DAO: variants seen among roughly 807,000 people sequenced by gnomAD.
DAO encodes the protein D-amino acid oxidase, also known as D-amino-acid oxidase.
A neutral mutation model predicts 50.1 loss-of-function variants in DAO; 51 were observed. That is an observed-to-expected ratio of 1.02 (90% CI 0.81 to 1.29). The LOEUF (loss-of-function observed/expected upper bound fraction) is 1.29, where lower values mean the gene tolerates loss of function less well. Ranked by LOEUF, DAO falls within the 50% of genes most tolerant of loss-of-function variation. DAO has a pLI of 0.00. For synonymous variants in DAO, 160 were observed against 166.2 expected (o/e 0.96, Z 0.29); for missense variants, 436 against 439.4 (o/e 0.99, Z 0.07).
rs2039579009 is a variant in DAO, at chr12:108,897,948, A to G, written c.696-731A>G. On this transcript the variant is annotated intron_variant, in intron 8 of 10. Transcript: ENST00000228476. ...GGCCACAGAGCGAGACCCCATCTCA[A>G]AAAAAAAAAAAAGTGGTGTGAATGG... Among the ~76,000 whole-genome samples the G allele has an allele frequency of 3.8e-5, 4 of 105,920 alleles. No individual in the cohort carries two copies. In the South Asian group the frequency reaches 1.1e-3, roughly 30 times the overall value. 69.5% of individuals were successfully genotyped at this position (105,920 alleles called of 152,430 possible). A position where few individuals can be genotyped will look rare whatever the true frequency, so the allele number is the denominator to read the frequency against.
chr12:108,891,898 C>CA (rs1317131139), intron 5 of DAO, among the ~76,000 whole-genome samples: 1 of 152,064 alleles, frequency 6.6e-6, no homozygotes, highest in Non-Finnish European at 1.5e-5. Context: ...ACAGGCCTAG[C>CA]AAAAATTTGC....
chr12:108,899,378 A>G lies in DAO; in HGVS notation c.815A>G (p.Asn272Ser). 6.2e-7 allele frequency: 1 copy of G among 1,612,770 alleles called. No homozygotes were observed. The highest frequency in any genetic ancestry group is 8.5e-7 in the Non-Finnish European group (1 of 1,179,288). The part of the protein sequence containing the change: ...GCCRLEPTLK[N>S]ARIIGERTGF... Reference sequence around the variant, plus strand: ...AGTGATCAGCACTTTTCTTTCCAGAATGCAAGAATTATTGGTGAACGAACT... The same window carrying G: ...AGTGATCAGCACTTTTCTTTCCAGAGTGCAAGAATTATTGGTGAACGAACT... The change falls in exon 10 of 11, where the codon AAT (asparagine) becomes AGT (serine). Residue 272 changes from asparagine to serine, a missense_variant and splice_region_variant. Asn to Ser is a conservative substitution (Grantham distance 46). Coordinates refer to ENST00000228476, the MANE Select transcript of DAO (RefSeq NM_001917.5).
In DAO at chr12:108,881,563, AG is replaced by A. The variant is rs565710810; in HGVS notation, c.-10+1340del. ...TCATATCTTGAATTTTTTTAAAAAA[AG>A]ATAATTGACTTAGGACTCACACTTT... On this transcript the variant is annotated intron_variant, in intron 1 of 10. Transcript: ENST00000228476. Among the ~76,000 whole-genome samples, 216 of 151,976 alleles carry A rather than the reference AG, an allele frequency of 1.4e-3. 1 individual carries two copies. Among genetic ancestry groups the A allele is most frequent in the African/African-American group, 4.9e-3 (202 of 41,410 alleles).
intron 5 of DAO, among the ~76,000 whole-genome samples, chr12:108,892,120 C>T (rs2039497601): frequency 6.6e-6 from 1 of 150,692 alleles, no homozygotes; most frequent in Non-Finnish European, 1.5e-5. Flanking sequence ...GGCTTATTTC[C>T]TGTTCTTTGG....
chr12:108,900,730 C>A lies in DAO; in HGVS notation c.*195C>A. 1 of 577,426 alleles carries A rather than the reference C, an allele frequency of 1.7e-6. No homozygotes were observed. The highest frequency in any genetic ancestry group is 3.0e-6 in the Non-Finnish European group (1 of 331,232). The allele number at this position is 577,426 out of a possible 1,614,324, so 35.8% of individuals were successfully genotyped here. A position where few individuals can be genotyped will look rare whatever the true frequency, so the allele number is the denominator to read the frequency against. On this transcript the variant is annotated 3_prime_UTR_variant, in exon 11 of 11. Coordinates refer to ENST00000228476, the MANE Select transcript of DAO (RefSeq NM_001917.5). ...TGGGGCCCCTCTCATCACTGAAATC[C>A]CTCTACCTTCTCTGGGTCTGGCATT...
chr12:108,880,525 A>G (rs546265808), intron 1 of DAO: 2 of 167,362 alleles, frequency 1.2e-5, no homozygotes, highest in Admixed American at 1.2e-4. Flanking sequence ...ATCTAGGCAC[A>G]TAGCAAGTAC....
chr12:108,883,192 A>C (rs2039399095), intron 1 of DAO, among the ~76,000 whole-genome samples: 1 of 152,024 alleles, frequency 6.6e-6, no homozygotes, highest in Non-Finnish European at 1.5e-5. Flanking sequence ...TGTTGCCCAG[A>C]CTGGAATGCA....
At chr12:108,883,216 G>A (rs938350676) in intron 1 of DAO, among the ~76,000 whole-genome samples, 2 of 151,856 alleles carry the variant, frequency 1.3e-5, no homozygotes, top group Non-Finnish European at 2.9e-5. Flanking sequence ...GTGCGAACTC[G>A]ACTCGCTGCA....
chr12:108,881,335 T>C (rs1191835729), intron 1 of DAO, among the ~76,000 whole-genome samples: 2 of 152,062 alleles, frequency 1.3e-5, no homozygotes, highest in Non-Finnish European at 2.9e-5. Context: ...TCCAACCGAA[T>C]AACTGAGCTG....
chr12:108,887,889 C>T (rs1368534769), intron 3 of DAO, among the ~76,000 whole-genome samples: 1 of 152,114 alleles, frequency 6.6e-6, no homozygotes. Flanking sequence ...TCAAGTGCCC[C>T]TGAAGGTCCC....
intron 7 of DAO, 107 bp downstream of exon 7, chr12:108,894,474 A>AC (rs757061637): frequency 2.3e-5 from 21 of 925,330 alleles, no homozygotes; most frequent in Middle Eastern, 2.1e-4. Flanking sequence ...TGTTAGAGGA[A>AC]CCCCCCGGAC....
At position 108,894,354 on chromosome 12, in the gene DAO, G is replaced by C; in HGVS notation, c.599G>C (p.Gly200Ala). 1 of 1,613,634 alleles carries C rather than the reference G, an allele frequency of 6.2e-7. No homozygotes were observed. The highest frequency in any genetic ancestry group is 8.5e-7 in the Non-Finnish European group (1 of 1,179,768). The change falls in exon 7 of 11, where the codon GGG becomes GCG. Residue 200 changes from glycine to alanine, a missense_variant. Gly to Ala is a moderately conservative substitution (Grantham distance 60). Coordinates refer to ENST00000228476, the MANE Select transcript of DAO (RefSeq NM_001917.5). ...GACCCCCTGCTGCAGCCAGGCCGGG[G>C]GCAGATCATGAAGGTGAGTGTGAGG... ...QRDPLLQPGR[G>A]QIMKVDAPWM...
chr12:108,899,347 G>T, intron 9 of DAO, 30 bp from the exon 10 acceptor site: 1 of 1,585,450 alleles, frequency 6.3e-7, no homozygotes, highest in Non-Finnish European at 8.6e-7. Flanking sequence ...AAAAAATCCA[G>T]AAATGAGTGA....
chr12:108,896,039 A>G (rs1169339151), intron 7 of DAO, among the ~76,000 whole-genome samples: 1 of 151,810 alleles, frequency 6.6e-6, no homozygotes, highest in Non-Finnish European at 1.5e-5. Context: ...TTCTTTAAAA[A>G]AAAAAAGTGA....
chr12:108,897,121 G>C, intron 8 of DAO, 33 bp downstream of exon 8: 1 of 1,510,678 alleles, frequency 6.6e-7, no homozygotes, highest in South Asian at 1.1e-5. Flanking sequence ...CAGAAGAGTG[G>C]TCCCCTTCAT....
intron 3 of DAO, among the ~76,000 whole-genome samples, chr12:108,887,793 C>T (rs531818341): frequency 6.6e-6 from 1 of 152,128 alleles, no homozygotes; most frequent in East Asian, 1.9e-4. Context: ...CTTCTGATGC[C>T]CAGGGGAAAC....
chr12:108,887,910 A>G (rs1350014717), intron 3 of DAO, among the ~76,000 whole-genome samples: 3 of 152,172 alleles, frequency 2.0e-5, no homozygotes, highest in Non-Finnish European at 4.4e-5. Flanking sequence ...AAGGCTTTTT[A>G]TCAAGAAGGA....
At chr12:108,896,874 C>A in intron 7 of DAO, 132 bp from the exon 8 acceptor site, 1 of 739,722 alleles carries the variant, frequency 1.4e-6, no homozygotes, top group Non-Finnish European at 2.4e-6. Context: ...AGACTTGGGC[C>A]ATAGTGTCAT....
At chr12:108,895,288 G>C (rs1240839618) in intron 7 of DAO, among the ~76,000 whole-genome samples, 1 of 150,168 alleles carries the variant, frequency 6.7e-6, no homozygotes, top group Non-Finnish European at 1.5e-5. Flanking sequence ...TGTATGTAAG[G>C]GTATGTGTGC....
Sources: allele counts gnomAD v4.1 joint callset (sites outside exome capture counted in the v4.1 genomes callset), GRCh38; gene constraint gnomAD v4.1.1; transcripts MANE v1.5; gene names NCBI Gene and HGNC (gene_info 2026-07-23, HGNC 2026-07-21).